The following ATP1A1 variants were observed in gnomAD, a reference collection of about 807,000 sequenced individuals.
ATP1A1 encodes the protein ATPase Na+/K+ transporting subunit alpha 1, also known as sodium/potassium-transporting ATPase subunit alpha-1.
ATP1A1 carries 14 observed loss-of-function variants against 114.8 expected under a neutral mutation model. That is an observed-to-expected ratio of 0.12 (90% CI 0.08 to 0.19). The LOEUF (loss-of-function observed/expected upper bound fraction) is 0.19. Among genes scored for constraint, ATP1A1 ranks in the 10% least tolerant of loss-of-function variants. The pLI, the probability that ATP1A1 is intolerant of heterozygous loss-of-function variation, is 1.00. For synonymous variants in ATP1A1, 471 were observed against 466.3 expected, an observed-to-expected ratio of 1.01 and a Z score of -0.13; for missense variants, 524 against 1,290.7, an observed-to-expected ratio of 0.41 and a Z score of 9.10.
In ATP1A1 at chr1:116,373,397, T is replaced by G; in HGVS notation, c.-115T>G. On this transcript the variant is annotated 5_prime_UTR_variant, in exon 1 of 23. Transcript: ENST00000295598. ...CCACCCTCCCGCCCCGCGGCAGCCC[T>G]AGCTCCCTCCACTTGGCTCCCCTGG... The G allele has an allele frequency of 1.1e-5, 4 of 376,336 alleles. No homozygotes were observed. The highest frequency in any genetic ancestry group is 1.5e-5 in the Non-Finnish European group (3 of 198,120). 23.3% of individuals were successfully genotyped at this position (376,336 alleles called of 1,614,324 possible). A position where few individuals can be genotyped will look rare whatever the true frequency, so the allele number is the denominator to read the frequency against.
chr1:116,402,224 A>G (rs1409648165), intron 21 of ATP1A1, among the ~76,000 whole-genome samples: 1 of 152,194 alleles, frequency 6.6e-6, no homozygotes, highest in Non-Finnish European at 1.5e-5. Context: ...ATTTCAGATA[A>G]ACTTGAATTT....
At position 116,389,052 on chromosome 1, in the gene ATP1A1, T is replaced by C. The variant is rs757863214; in HGVS notation, c.754+33T>C. ...ATTTTTGGGCACTTTGAGCATGGCG[T>C]GGTATTTCTCTTGGGCATTAACAAA... On this transcript the variant is annotated intron_variant, in intron 7 of 22. Transcript: ENST00000295598. The surrounding 1 kb of genome is among the most constrained non-coding windows in gnomAD (Gnocchi z 6.9). 17 of 1,564,580 alleles carry C rather than the reference T, an allele frequency of 1.1e-5. No homozygotes were observed. Among genetic ancestry groups the C allele is most frequent in the Admixed American group, 1.7e-5 (1 of 59,656 alleles).
At chr1:116,376,133 C>G (rs1019978925) in intron 1 of ATP1A1, among the ~76,000 whole-genome samples, 6 of 152,116 alleles carry the variant, frequency 3.9e-5, no homozygotes, top group Non-Finnish European at 7.3e-5. Flanking sequence ...TTTGTCTTCT[C>G]AAGTGTGTAA....
intron 3 of ATP1A1, chr1:116,386,122 A>T (rs12130879): frequency 9.5e-6 from 1 of 105,818 alleles, no homozygotes; most frequent in Admixed American, 1.1e-4. Flanking sequence ...GTGAAACTCC[A>T]TCTCAAAAAA....
intron 21 of ATP1A1, among the ~76,000 whole-genome samples, chr1:116,403,193 T>C (rs994554172): frequency 6.6e-6 from 1 of 152,188 alleles, no homozygotes; most frequent in Non-Finnish European, 1.5e-5. Context: ...TTAGCTGCCT[T>C]GTCAGACACA....
chr1:116,374,990 CAA>C (rs935940620), intron 1 of ATP1A1, among the ~76,000 whole-genome samples: 8 of 152,200 alleles, frequency 5.3e-5, no homozygotes, highest in African/African-American at 1.9e-4. Context: ...CAGGTGGCAT[CAA>C]AGAGCGGAGT....
In ATP1A1 at chr1:116,373,293, C is replaced by A; in HGVS notation, c.-219C>A. ...CAGAGCAGCGGCGGGAGGAGGCGGA[C>A]ACGTGGCAACAGCGGTAGCAGCCCG... On this transcript the variant is annotated 5_prime_UTR_variant, in exon 1 of 23. Transcript: ENST00000295598. 5.0e-6 allele frequency: 2 copies of A among 403,710 alleles called. No individual in the cohort carries two copies. Among genetic ancestry groups the A allele is most frequent in the Non-Finnish European group, 8.7e-6 (2 of 229,834 alleles). 25.0% of individuals were successfully genotyped at this position (403,710 alleles called of 1,614,324 possible).
Position 116,404,696 on chromosome 1 carries a change from AAAAG to A in ATP1A1, c.*253_*256del. ...TTTATGTGCCTTTTTGTTTTTGTAAAAAAGGAACACCCGGAAAGACTGAAAGAAT... is the reference window on the plus strand; with the variant it reads ...TTTATGTGCCTTTTTGTTTTTGTAAAGAACACCCGGAAAGACTGAAAGAAT... On this transcript the variant is annotated 3_prime_UTR_variant, in exon 23 of 23. Coordinates refer to ENST00000295598, the MANE Select transcript of ATP1A1 (RefSeq NM_000701.8). This position sits in a 1 kb window ranked among gnomAD's most constrained non-coding sequence, Gnocchi z 4.8. 1 of 1,281,414 alleles carries A rather than the reference AAAAG, an allele frequency of 7.8e-7. No homozygotes were observed. The highest frequency in any genetic ancestry group is 2.9e-4 in the Middle Eastern group (1 of 3,408). The allele number at this position is 1,281,414 out of a possible 1,614,324, so 79.4% of individuals were successfully genotyped here.
rs975007111 is a variant in ATP1A1, at chr1:116,387,685, G to A, written c.387+194G>A. ...TCCATTTCCTCTCTCTACCACCCAC[G>A]TTGTAGATGCTCTTACAAGTGGGAT... On this transcript the variant is annotated intron_variant, in intron 4 of 22. Coordinates refer to ENST00000295598, the MANE Select transcript of ATP1A1 (RefSeq NM_000701.8). This position sits in a 1 kb window ranked among gnomAD's most constrained non-coding sequence, Gnocchi z 6.7. 2.6e-5 allele frequency among the ~76,000 whole-genome samples: 4 copies of A among 152,130 alleles called. No individual in the cohort carries two copies. The highest frequency in any genetic ancestry group is 3.9e-4 in the East Asian group (2 of 5,184).
chr1:116,374,457 C>T (rs1249435556), intron 1 of ATP1A1, among the ~76,000 whole-genome samples: 1 of 152,132 alleles, frequency 6.6e-6, no homozygotes, highest in African/African-American at 2.4e-5. Flanking sequence ...GAATCTCTGC[C>T]GGTTTCCAGC....
rs116747382 is a variant in ATP1A1 at position 116,376,968 on chromosome 1, C to T, written c.12+3445C>T. 6.4e-3 allele frequency among the ~76,000 whole-genome samples: 974 copies of T among 152,264 alleles called. 14 individuals carry two copies. Among genetic ancestry groups the T allele is most frequent in the African/African-American group, 0.022 (924 of 41,536 alleles). On this transcript the variant is annotated intron_variant, in intron 1 of 22. Coordinates refer to ENST00000295598, the MANE Select transcript of ATP1A1 (RefSeq NM_000701.8). ...ACTCATCCATGCTCCATGCCAGTAC[C>T]CTCAGTCATTGTTTTCGGATTATTT...
chr1:116,373,604 C>T lies in ATP1A1; in HGVS notation c.12+81C>T, dbSNP rs1195276780. On this transcript the variant is annotated intron_variant, in intron 1 of 22. Transcript: ENST00000295598. The stretch of plus-strand genomic sequence containing the variant: ...AGGAAGTCGGGAGGGCGACCGCGGC[C>T]AGCGGGAGGCGGCGGAGGAGGAAGC... 9 of 1,296,436 alleles carry T rather than the reference C, an allele frequency of 6.9e-6. No individual in the cohort carries two copies. In the East Asian group the frequency reaches 1.6e-4, roughly 23 times the overall value. The allele number at this position is 1,296,436 out of a possible 1,614,324, so 80.3% of individuals were successfully genotyped here.
chr1:116,388,370 AC>A lies in ATP1A1; in HGVS notation c.501+130del. Reference sequence around the variant, plus strand: ...CTCATCAGAGAGATGGATGTCTTCTACCCCACCCAAAACCAACCTATTTTCC... The same window carrying A: ...CTCATCAGAGAGATGGATGTCTTCTACCCACCCAAAACCAACCTATTTTCC... On this transcript the variant is annotated intron_variant, in intron 5 of 22. Transcript: ENST00000295598. This position sits in a 1 kb window ranked among gnomAD's most constrained non-coding sequence, Gnocchi z 5.6. 1 of 1,002,100 alleles carries A rather than the reference AC, an allele frequency of 1.0e-6. No homozygotes were observed. Among genetic ancestry groups the A allele is most frequent in the Non-Finnish European group, 1.5e-6 (1 of 678,626 alleles). 62.1% of individuals were successfully genotyped at this position (1,002,100 alleles called of 1,614,324 possible).
Position 116,391,811 on chromosome 1 carries a change from A to G in ATP1A1, c.1332+920A>G, listed in dbSNP as rs144911639. Among the ~76,000 whole-genome samples the G allele has an allele frequency of 1.6e-3, 237 of 152,316 alleles. 2 individuals are homozygous for G. The East Asian group carries it at 0.038, about 24-fold the overall frequency. ...GGAAATGTTCTAGGCTTTGAGCATCAGGTCCCACAAGTATCAAATCTTTCC... is the reference window on the plus strand; with the variant it reads ...GGAAATGTTCTAGGCTTTGAGCATCGGGTCCCACAAGTATCAAATCTTTCC... On this transcript the variant is annotated intron_variant, in intron 10 of 22. Coordinates refer to ENST00000295598, the MANE Select transcript of ATP1A1 (RefSeq NM_000701.8).
intron 1 of ATP1A1, among the ~76,000 whole-genome samples, chr1:116,374,879 G>A (rs1167140431): frequency 6.6e-6 from 1 of 152,142 alleles, no homozygotes; most frequent in Non-Finnish European, 1.5e-5. Context: ...TTTAAAGGAG[G>A]TAATTGAAAG....
rs1245475227 is a variant in ATP1A1 at position 116,384,101 on chromosome 1, G to A, written c.100G>A (p.Glu34Lys). ...KKGKKDRDMD[E>K]LKKEVSMDDH... ...GGGCAAAAAAGACAGGGACATGGAT[G>A]AACTGAAGAAAGAAGTTTCTATGGT... Residue 34 changes from glutamate to lysine, a missense_variant, in exon 2 of 23, where the codon GAA becomes AAA. This residue lies in a region of ATP1A1 where 141 missense variants were observed against 316.6 expected (regional missense o/e 0.45). Coordinates refer to ENST00000295598, the MANE Select transcript of ATP1A1 (RefSeq NM_000701.8). The surrounding 1 kb of genome is among the most constrained non-coding windows in gnomAD (Gnocchi z 5.1). 1 of 1,613,752 alleles carries A rather than the reference G, an allele frequency of 6.2e-7. No homozygotes were observed. Among genetic ancestry groups the A allele is most frequent in the Admixed American group, 1.7e-5 (1 of 59,992 alleles).
At chr1:116,374,256 G>A (rs1651203126) in intron 1 of ATP1A1, 1 of 1,551,724 alleles carries the variant, frequency 6.4e-7, no homozygotes, top group African/African-American at 1.4e-5. Flanking sequence ...ACTTTTGAGG[G>A]CTTTCTTGGG....
rs758734562 is a variant in ATP1A1 at position 116,387,699 on chromosome 1, T to C, written c.387+208T>C. ...CTACCACCCACGTTGTAGATGCTCT[T>C]ACAAGTGGGATGCCCACCTGCATGT... On this transcript the variant is annotated intron_variant, in intron 4 of 22. Transcript: ENST00000295598. This position sits in a 1 kb window ranked among gnomAD's most constrained non-coding sequence, Gnocchi z 6.7. Among the ~76,000 whole-genome samples, 111 of 152,380 alleles carry C rather than the reference T, an allele frequency of 7.3e-4. No homozygotes were observed. Among genetic ancestry groups the C allele is most frequent in the Admixed American group, 9.8e-4 (15 of 15,312 alleles).
rs1214601943 is a variant in ATP1A1, at chr1:116,388,275, T to G, written c.501+31T>G. ...AGACGCTTTGTCCTTCCCCAGTGGA[T>G]GACTTGACAGCCCCAAGCATGTCAG... On this transcript the variant is annotated intron_variant, in intron 5 of 22. Coordinates refer to ENST00000295598, the MANE Select transcript of ATP1A1 (RefSeq NM_000701.8). This position sits in a 1 kb window ranked among gnomAD's most constrained non-coding sequence, Gnocchi z 5.6. 9.3e-6 allele frequency: 14 copies of G among 1,509,220 alleles called. No homozygotes were observed. Among genetic ancestry groups the G allele is most frequent in the Non-Finnish European group, 1.3e-5 (14 of 1,085,078 alleles). The allele number at this position is 1,509,220 out of a possible 1,614,324, so 93.5% of individuals were successfully genotyped here.
Sources: allele counts gnomAD v4.1 joint callset (sites outside exome capture counted in the v4.1 genomes callset), GRCh38; gene constraint gnomAD v4.1.1; regional missense constraint gnomAD v4.1.1; non-coding constraint Gnocchi (gnomAD v3.1); transcripts MANE v1.5; gene names NCBI Gene and HGNC (gene_info 2026-07-23, HGNC 2026-07-21).